IQGAP1: variants seen among roughly 807,000 people sequenced by gnomAD.
IQGAP1 encodes the protein ras GTPase-activating-like protein IQGAP1.
In IQGAP1, 66 loss-of-function variants were observed where a neutral mutation model predicts 215.6. The ratio of observed to expected loss-of-function variants is 0.31; its 90% CI spans 0.25 to 0.38. The LOEUF (loss-of-function observed/expected upper bound fraction) is 0.38, where lower values mean the gene tolerates loss of function less well. Ranked by LOEUF, IQGAP1 falls within the 10% of genes least tolerant of loss-of-function variation. The pLI is 1.00. For missense variants in IQGAP1, 1,712 were observed against 1,997.1 expected (o/e 0.86, Z 2.72); for synonymous variants, 772 against 728.7 (o/e 1.06, Z -0.96).
chr15:90,472,828 C>T lies in IQGAP1; in HGVS notation c.2179-12C>T. 1 of 1,595,104 alleles carries T rather than the reference C, an allele frequency of 6.3e-7. No homozygotes were observed. ...CTGTGAATGTCTTTGAATGTGACCA[C>T]TGCTTTTTCAGAGTTCTATCTCTGG... On this transcript the variant is annotated splice_polypyrimidine_tract_variant and intron_variant, in intron 18 of 37. Coordinates refer to ENST00000268182, the MANE Select transcript of IQGAP1 (RefSeq NM_003870.4).
At chr15:90,454,626 TA>T in intron 14 of IQGAP1, 74 bp downstream of exon 14, 3 of 1,440,114 alleles carry the variant, frequency 2.1e-6, no homozygotes, top group South Asian at 1.5e-5. Context: ...TGGTTCAAAA[TA>T]CTACTCCTAG....
chr15:90,428,448 A>C (rs1046443670), intron 3 of IQGAP1, among the ~76,000 whole-genome samples: 1 of 151,986 alleles, frequency 6.6e-6, no homozygotes, highest in East Asian at 1.9e-4. Flanking sequence ...GAATGGGAAG[A>C]TAGTGTAAAA....
chr15:90,489,292 T>G (rs1966171815), intron 33 of IQGAP1, among the ~76,000 whole-genome samples: 1 of 152,002 alleles, frequency 6.6e-6, no homozygotes, highest in Non-Finnish European at 1.5e-5. Context: ...CACACCTGGC[T>G]AATTTTTGTA....
chr15:90,465,632 C>T (rs535587871), intron 15 of IQGAP1, among the ~76,000 whole-genome samples: 1 of 151,960 alleles, frequency 6.6e-6, no homozygotes, highest in East Asian at 1.9e-4. Flanking sequence ...TCCCTAGTAG[C>T]TGGGACTATA....
intron 18 of IQGAP1, among the ~76,000 whole-genome samples, chr15:90,472,636 G>C (rs763588249): frequency 6.6e-6 from 1 of 151,890 alleles, no homozygotes; most frequent in Non-Finnish European, 1.5e-5. Context: ...TTTATGAAGT[G>C]TTTTCTAGGT....
intron 14 of IQGAP1, 122 bp downstream of exon 14, chr15:90,454,674 A>T: frequency 9.2e-7 from 1 of 1,081,438 alleles, no homozygotes. Flanking sequence ...ATATCTATAT[A>T]ACACAAAAGG....
intron 28 of IQGAP1, among the ~76,000 whole-genome samples, 200 bp downstream of exon 28, chr15:90,482,481 C>T (rs1409256322): frequency 6.6e-6 from 1 of 152,138 alleles, no homozygotes; most frequent in African/African-American, 2.4e-5. Context: ...GGCACACAAA[C>T]ATCAAACAAG....
chr15:90,447,921 T>C (rs1965547418), intron 9 of IQGAP1, among the ~76,000 whole-genome samples: 1 of 152,148 alleles, frequency 6.6e-6, no homozygotes, highest in African/African-American at 2.4e-5. Flanking sequence ...AAGGGGAAGA[T>C]GACCCCTTTC....
At chr15:90,481,318 G>A (rs1966056291) in intron 26 of IQGAP1, among the ~76,000 whole-genome samples, 1 of 132,432 alleles carries the variant, frequency 7.6e-6, no homozygotes, top group Non-Finnish European at 1.5e-5. Flanking sequence ...TGCTCAAGCA[G>A]TCCTCCCACC....
At chr15:90,468,690 G>T (rs1256438811) in intron 18 of IQGAP1, among the ~76,000 whole-genome samples, 2 of 152,048 alleles carry the variant, frequency 1.3e-5, no homozygotes. Flanking sequence ...AATTAGCTGG[G>T]CATAGTGGTG....
In IQGAP1 at chr15:90,487,517, G is replaced by A. The variant is rs1389075576; in HGVS notation, c.4183G>A (p.Val1395Ile). The A allele has an allele frequency of 2.5e-6, 4 of 1,613,880 alleles. No individual in the cohort carries two copies. The highest frequency in any genetic ancestry group is 1.6e-4 in the Middle Eastern group (1 of 6,082). ...LLNTKRLIVD[V>I]IRFQPGETLT... Reference sequence around the variant, plus strand: ...CAGTACAAAACGTTTAATTGTGGATGTCATCCGGTTCCAGCCAGGAGAGAC... The same window carrying A: ...CAGTACAAAACGTTTAATTGTGGATATCATCCGGTTCCAGCCAGGAGAGAC... Residue 1395 changes from valine (V) to isoleucine (I), a missense_variant, in exon 33 of 38, where the codon GTC becomes ATC. Val to Ile is a conservative substitution (Grantham distance 29). Around this residue, in one of 2 missense-constraint regions of IQGAP1, gnomAD observed 691 missense variants for 923.0 expected, o/e 0.75. Transcript: ENST00000268182.
intron 2 of IQGAP1, among the ~76,000 whole-genome samples, chr15:90,399,145 T>G (rs955303957): frequency 6.6e-5 from 10 of 152,056 alleles, no homozygotes; most frequent in African/African-American, 2.4e-4. Flanking sequence ...TTTTTTTTTG[T>G]AGAGATGGGG....
chr15:90,449,743 T>A, intron 11 of IQGAP1, 100 bp downstream of exon 11: 1 of 943,514 alleles, frequency 1.1e-6, no homozygotes, highest in African/African-American at 1.7e-5. Flanking sequence ...ACTCTGAGCC[T>A]ACTAGCCATA....
At chr15:90,409,672 G>T (rs1375469509) in intron 2 of IQGAP1, among the ~76,000 whole-genome samples, 3 of 152,176 alleles carry the variant, frequency 2.0e-5, no homozygotes, top group Non-Finnish European at 2.9e-5. Context: ...ACTGTGCCCT[G>T]CCCCTATATT....
intron 2 of IQGAP1, among the ~76,000 whole-genome samples, chr15:90,394,802 A>G (rs201829491): frequency 4.2e-5 from 4 of 95,176 alleles, no homozygotes; most frequent in Admixed American, 3.5e-4. Flanking sequence ...TAATACCTCT[A>G]CTTCTACTAA....
At chr15:90,466,871 C>T (rs1965839998) in intron 17 of IQGAP1, among the ~76,000 whole-genome samples, 1 of 152,192 alleles carries the variant, frequency 6.6e-6, no homozygotes, top group African/African-American at 2.4e-5. Flanking sequence ...GCGGGCAGAT[C>T]GCCTGAGGTC....
At chr15:90,426,794 A>T (rs931385041) in intron 3 of IQGAP1, among the ~76,000 whole-genome samples, 7 of 151,974 alleles carry the variant, frequency 4.6e-5, no homozygotes, top group African/African-American at 1.5e-4. Context: ...CTCTACCAAA[A>T]ATACAAAAAT....
chr15:90,391,867 T>C (rs1282660919), intron 2 of IQGAP1: 1 of 152,174 alleles, frequency 6.6e-6, no homozygotes, highest in East Asian at 1.9e-4. Flanking sequence ...AAAAGTCAAG[T>C]GAGGGATAAT....
chr15:90,491,892 G>T (rs751600171), intron 34 of IQGAP1, among the ~76,000 whole-genome samples: 1 of 152,168 alleles, frequency 6.6e-6, no homozygotes, highest in East Asian at 1.9e-4. Flanking sequence ...CATCTCAAGC[G>T]AGGGGCTTTG....
Sources: gnomAD v4.1 joint callset for allele counts (sites outside exome capture counted in the v4.1 genomes callset) on GRCh38, gnomAD v4.1.1 for gene constraint, gnomAD v4.1.1 regional missense constraint, MANE v1.5 for transcripts, NCBI Gene and HGNC (gene_info 2026-07-23, HGNC 2026-07-21) for gene names.